KIF24: variants seen among roughly 807,000 people sequenced by gnomAD.
KIF24 encodes kinesin family member 24, also known as kinesin-like protein KIF24.
In KIF24, 81 loss-of-function variants were observed where a neutral mutation model predicts 118.9. The observed-to-expected ratio is 0.68, with a 90% CI of 0.57 to 0.82. KIF24 has a LOEUF of 0.82. Among genes scored for constraint, KIF24 ranks in the 40% least tolerant of loss-of-function variants. The pLI is 0.00. For synonymous variants in KIF24, 599 were observed against 610.0 expected, an observed-to-expected ratio of 0.98 and a Z score of 0.27; for missense variants, 1,560 against 1,661.6, an observed-to-expected ratio of 0.94 and a Z score of 1.06.
chr9:34,270,609 A>G (rs904272455), intron 7 of KIF24, among the ~76,000 whole-genome samples: 3 of 107,424 alleles, frequency 2.8e-5, no homozygotes, highest in Admixed American at 9.0e-5. Flanking sequence ...ATACCTAGCT[A>G]TGTTTTTTTT....
At chr9:34,282,107 A>G (rs561974531) in intron 6 of KIF24, among the ~76,000 whole-genome samples, 15 of 152,334 alleles carry the variant, frequency 9.8e-5, no homozygotes, top group Non-Finnish European at 1.8e-4. Context: ...AACATTATTC[A>G]TAATGACCAA....
Position 34,318,484 on chromosome 9 carries a change from A to G in KIF24, c.-25-7113T>C. ...CCGAGGTGAAGAAACCTGCAGCCAC[A>G]GCAGCTCCTGGCACCGCAGAGAAGC... is the stretch of plus-strand genomic sequence containing the variant. On this transcript the variant is annotated intron_variant, in intron 1 of 12. Transcript: ENST00000402558. This position sits in a 1 kb window ranked among gnomAD's most constrained non-coding sequence, Gnocchi z 4.9. 3.7e-6 allele frequency: 3 copies of G among 817,772 alleles called. No individual in the cohort carries two copies. Among genetic ancestry groups the G allele is most frequent in the Non-Finnish European group, 6.2e-6 (3 of 486,872 alleles). The allele number at this position is 817,772 out of a possible 1,614,324, so 50.7% of individuals were successfully genotyped here.
chr9:34,312,141 T>C (rs1017496364), intron 1 of KIF24, among the ~76,000 whole-genome samples: 1 of 152,194 alleles, frequency 6.6e-6, no homozygotes, highest in Non-Finnish European at 1.5e-5. Context: ...TAAATAGAAG[T>C]AAAGACATCA....
chr9:34,306,264 T>C lies in KIF24; in HGVS notation c.801A>G (p.Gln267=), dbSNP rs549145016. Residue 267 remains glutamine (Q), a synonymous_variant, in exon 3 of 13, where the codon CAA becomes CAG. Transcript: ENST00000402558. ...GAAAACATCATACCTGCAGAATATATTGAGTGAGGTCAACTGCTTCTTTCT... is the reference window on the plus strand; with the variant it reads ...GAAAACATCATACCTGCAGAATATACTGAGTGAGGTCAACTGCTTCTTTCT... The part of the protein sequence containing the change: ...HEKKEAVDLT[Q]YILQHVFYFD... 10 of 1,596,812 alleles carry C rather than the reference T, an allele frequency of 6.3e-6. No individual in the cohort carries two copies. In the African/African-American group the frequency reaches 1.2e-4, roughly 19 times the overall value.
intron 3 of KIF24, among the ~76,000 whole-genome samples, chr9:34,303,172 C>T (rs1836790082): frequency 6.6e-6 from 1 of 151,970 alleles, no homozygotes; most frequent in Admixed American, 6.6e-5. Flanking sequence ...GCTTTGGCCT[C>T]CCAAAATGCT....
chr9:34,316,138 T>C (rs1469824558), intron 1 of KIF24, among the ~76,000 whole-genome samples: 5 of 151,722 alleles, frequency 3.3e-5, no homozygotes, highest in African/African-American at 1.2e-4. Context: ...GATCACGAGG[T>C]CAGGAGATCG....
At chr9:34,278,726 C>T (rs1203706424) in intron 6 of KIF24, among the ~76,000 whole-genome samples, 1 of 152,210 alleles carries the variant, frequency 6.6e-6, no homozygotes, top group Non-Finnish European at 1.5e-5. Flanking sequence ...CAAACTCCTT[C>T]CCTAACTAAA....
chr9:34,286,733 A>T (rs759193889), intron 5 of KIF24, 29 bp from the exon 6 acceptor site: 4 of 1,465,772 alleles, frequency 2.7e-6, no homozygotes, highest in Non-Finnish European at 3.8e-6. Flanking sequence ...GGTTGGTATG[A>T]TGGTGCTACT....
upstream of KIF24, chr9:34,329,545 GCC>G (rs1837813792): frequency 6.6e-6 from 1 of 152,260 alleles, no homozygotes; most frequent in Non-Finnish European, 1.5e-5. Flanking sequence ...CTTCTGATTG[GCC>G]GGTGTACTTC....
intron 4 of KIF24, among the ~76,000 whole-genome samples, chr9:34,295,395 G>C (rs1034922918): frequency 2.6e-5 from 4 of 151,914 alleles, no homozygotes; most frequent in African/African-American, 7.3e-5. Flanking sequence ...AAATTTTATA[G>C]ACCAGGCATG....
chr9:34,298,012 G>A (rs4878562), intron 3 of KIF24, among the ~76,000 whole-genome samples: 22,631 of 151,864 alleles, frequency 0.15, 2,032 homozygotes, highest in South Asian at 0.31. Flanking sequence ...AGTACGTGTC[G>A]ATTTCAAAGG....
intron 1 of KIF24, among the ~76,000 whole-genome samples, chr9:34,313,410 C>T (rs1486135657): frequency 6.6e-6 from 1 of 152,146 alleles, no homozygotes; most frequent in Admixed American, 6.5e-5. Flanking sequence ...GGGTAATTTG[C>T]TACACAGCAG....
intron 1 of KIF24, among the ~76,000 whole-genome samples, chr9:34,316,666 T>A (rs1053686001): frequency 2.0e-5 from 3 of 152,242 alleles, no homozygotes; most frequent in Non-Finnish European, 4.4e-5. Flanking sequence ...ATGTATTGAG[T>A]TCTGTTTTAT....
At chr9:34,260,908 G>C (rs909901383) in intron 9 of KIF24, among the ~76,000 whole-genome samples, 1 of 152,126 alleles carries the variant, frequency 6.6e-6, no homozygotes, top group Non-Finnish European at 1.5e-5. Flanking sequence ...GGAGGTGGAG[G>C]TTGCAGTGAG....
At chr9:34,261,229 C>A (rs961833838) in intron 9 of KIF24, among the ~76,000 whole-genome samples, 1 of 152,168 alleles carries the variant, frequency 6.6e-6, no homozygotes, top group African/African-American at 2.4e-5. Context: ...ACAAAAAAAT[C>A]TTCTCCTAGA....
At chr9:34,322,446 T>C (rs1036527733) in intron 1 of KIF24, among the ~76,000 whole-genome samples, 14 of 151,910 alleles carry the variant, frequency 9.2e-5, no homozygotes, top group African/African-American at 3.1e-4. Context: ...CAAGTAATCC[T>C]CCTGCCTTGG....
intron 6 of KIF24, among the ~76,000 whole-genome samples, chr9:34,273,213 A>G (rs1835569771): frequency 6.6e-6 from 1 of 152,014 alleles, no homozygotes; most frequent in African/African-American, 2.4e-5. Context: ...AAAAACAGAG[A>G]TGGGGTCTTG....
At chr9:34,315,516 T>TA (rs1837302247) in intron 1 of KIF24, among the ~76,000 whole-genome samples, 1 of 152,232 alleles carries the variant, frequency 6.6e-6, no homozygotes, top group South Asian at 2.1e-4. Flanking sequence ...GTTTTGATGA[T>TA]AAAACTGATA....
chr9:34,283,485 C>T (rs144890751), intron 6 of KIF24, among the ~76,000 whole-genome samples: 18 of 152,138 alleles, frequency 1.2e-4, no homozygotes, highest in African/African-American at 4.1e-4. Context: ...GTGAATGTTA[C>T]GGTATATGAA....
Sources: allele counts gnomAD v4.1 joint callset (sites outside exome capture counted in the v4.1 genomes callset), GRCh38; gene constraint gnomAD v4.1.1; non-coding constraint Gnocchi (gnomAD v3.1); transcripts MANE v1.5; gene names NCBI Gene and HGNC (gene_info 2026-07-23, HGNC 2026-07-21).